ST3GAL2: variants seen among roughly 807,000 people sequenced by gnomAD.
ST3GAL2 encodes the protein CMP-N-acetylneuraminate-beta-galactosamide-alpha-2,3-sialyltransferase 2.
Under a neutral mutation model 37.5 loss-of-function variants are expected in ST3GAL2, and 16 were observed. The ratio of observed to expected loss-of-function variants is 0.43; its 90% confidence interval spans 0.29 to 0.65. The LOEUF is 0.65. ST3GAL2 is among the 30% of genes least tolerant of loss of function. The pLI is 0.17. For synonymous variants in ST3GAL2, 238 were observed against 202.9 expected (o/e 1.17, Z -1.47); for missense variants, 383 against 487.8 (o/e 0.79, Z 2.02).
At chr16:70,383,144 G>C (rs2047417765) in intron 5 of ST3GAL2, 46 bp downstream of exon 5, 1 of 1,609,932 alleles carries the variant, frequency 6.2e-7, no homozygotes, top group Non-Finnish European at 8.5e-7. Flanking sequence ...ACACAGGCTG[G>C]GCCAGCACTG....
At chr16:70,407,625 G>A (rs1222264033) in intron 1 of ST3GAL2, among the ~76,000 whole-genome samples, 3 of 152,200 alleles carry the variant, frequency 2.0e-5, no homozygotes, top group East Asian at 3.8e-4. Context: ...ATCCTCAGGA[G>A]ATGCAGCCGA....
chr16:70,410,463 C>A (rs1567673075), intron 1 of ST3GAL2, among the ~76,000 whole-genome samples: 1 of 151,406 alleles, frequency 6.6e-6, no homozygotes, highest in Non-Finnish European at 1.5e-5. Context: ...CCATGTTAGC[C>A]AGGATGGTCT....
intron 1 of ST3GAL2, among the ~76,000 whole-genome samples, chr16:70,423,932 C>A (rs1406835574): frequency 1.3e-5 from 2 of 151,874 alleles, no homozygotes; most frequent in Non-Finnish European, 2.9e-5. Context: ...GTGGCAAGCG[C>A]CTGTAGTCCC....
chr16:70,400,322 G>T (rs2047546821), intron 1 of ST3GAL2: 1 of 152,358 alleles, frequency 6.6e-6, no homozygotes, highest in African/African-American at 2.4e-5. Context: ...AAGCGTGAGG[G>T]AGCCACACCA....
At chr16:70,432,662 C>T (rs974528471) in intron 1 of ST3GAL2, among the ~76,000 whole-genome samples, 3 of 152,178 alleles carry the variant, frequency 2.0e-5, no homozygotes, top group Non-Finnish European at 2.9e-5. Flanking sequence ...AAAGTTCAGA[C>T]CCCCCTTCTT....
intron 1 of ST3GAL2, among the ~76,000 whole-genome samples, chr16:70,411,036 A>C (rs1291067642): frequency 6.6e-6 from 1 of 152,164 alleles, no homozygotes; most frequent in African/African-American, 2.4e-5. Context: ...GGACCAGCTC[A>C]GGTCAATGAG....
intron 1 of ST3GAL2, among the ~76,000 whole-genome samples, chr16:70,419,681 C>T (rs375352664): frequency 2.6e-5 from 4 of 152,206 alleles, no homozygotes; most frequent in Admixed American, 6.5e-5. Context: ...CCCAGCCTGG[C>T]GGCCAGAGGT....
intron 4 of ST3GAL2, among the ~76,000 whole-genome samples, chr16:70,384,837 C>T (rs2047431201): frequency 6.8e-6 from 1 of 146,150 alleles, no homozygotes; most frequent in South Asian, 2.2e-4. Context: ...CCAGCCTGGC[C>T]ATCTGTACTA....
chr16:70,438,063 A>G (rs1458477911), intron 1 of ST3GAL2, among the ~76,000 whole-genome samples: 3 of 152,174 alleles, frequency 2.0e-5, no homozygotes, highest in African/African-American at 7.2e-5. Context: ...AAGATGGGAG[A>G]CGGGAGATGG....
chr16:70,414,861 A>G (rs879315144), intron 1 of ST3GAL2, among the ~76,000 whole-genome samples: 7 of 149,954 alleles, frequency 4.7e-5, no homozygotes, highest in African/African-American at 7.4e-5. Flanking sequence ...TTATTTATTT[A>G]TTTATTTATT....
chr16:70,382,001 G>T, intron 6 of ST3GAL2, 139 bp from the exon 7 acceptor site: 1 of 985,086 alleles, frequency 1.0e-6, no homozygotes, highest in Non-Finnish European at 1.5e-6. Context: ...CTAAGGACAT[G>T]GACTCACATG....
At chr16:70,418,112 C>T in intron 1 of ST3GAL2, among the ~76,000 whole-genome samples, 1 of 152,168 alleles carries the variant, frequency 6.6e-6, no homozygotes, top group East Asian at 1.9e-4. Flanking sequence ...CTTTGAATCA[C>T]AAGAGAAAAA....
chr16:70,410,064 G>A (rs1017834277), intron 1 of ST3GAL2, among the ~76,000 whole-genome samples: 4 of 151,522 alleles, frequency 2.6e-5, no homozygotes, highest in Non-Finnish European at 5.9e-5. Flanking sequence ...ACCTTGCTCA[G>A]TCCTCAGACT....
chr16:70,437,851 C>A (rs1170251978), intron 1 of ST3GAL2, among the ~76,000 whole-genome samples: 24 of 152,200 alleles, frequency 1.6e-4, no homozygotes, highest in Non-Finnish European at 4.4e-5. Flanking sequence ...GGTGGCCAAC[C>A]AGCTTCCAAA....
intron 1 of ST3GAL2, among the ~76,000 whole-genome samples, chr16:70,408,595 G>A (rs2047610314): frequency 2.0e-5 from 3 of 152,090 alleles, no homozygotes; most frequent in Middle Eastern, 3.4e-3. Context: ...TGCTACCCTA[G>A]GGACTCAGGC....
intron 1 of ST3GAL2, among the ~76,000 whole-genome samples, chr16:70,408,090 C>T (rs186733133): frequency 6.6e-6 from 1 of 152,176 alleles, no homozygotes; most frequent in African/African-American, 2.4e-5. Flanking sequence ...TCCAATGGAC[C>T]GATGCTTTAT....
At chr16:70,438,089 G>A (rs931371097) in intron 1 of ST3GAL2, among the ~76,000 whole-genome samples, 4 of 152,202 alleles carry the variant, frequency 2.6e-5, no homozygotes, top group Admixed American at 6.5e-5. Flanking sequence ...GTTGGCAAAA[G>A]ATAAATCGAA....
At chr16:70,388,568 A>G in intron 3 of ST3GAL2, 22 bp from the exon 4 acceptor site, 3 of 1,542,420 alleles carry the variant, frequency 1.9e-6, no homozygotes, top group East Asian at 2.3e-5. Flanking sequence ...AGAGGGTGAC[A>G]TGAGAATCAA....
chr16:70,435,983 G>A (rs939153259), intron 1 of ST3GAL2, among the ~76,000 whole-genome samples: 3 of 150,800 alleles, frequency 2.0e-5, no homozygotes, highest in Non-Finnish European at 4.4e-5. Flanking sequence ...AAAATCAGCC[G>A]GGCATGGTGG....
Sources: allele counts gnomAD v4.1 joint callset (sites outside exome capture counted in the v4.1 genomes callset), GRCh38; gene constraint gnomAD v4.1.1; transcripts MANE v1.5; gene names NCBI Gene and HGNC (gene_info 2026-07-23, HGNC 2026-07-21).